FER: variants seen among roughly 807,000 people sequenced by gnomAD.
The protein encoded by FER is FER tyrosine kinase.
FER carries 63 observed loss-of-function variants against 111.0 expected under a neutral mutation model. The observed-to-expected ratio is 0.57, with a 90% CI of 0.46 to 0.70. The LOEUF (loss-of-function observed/expected upper bound fraction) is 0.70, where lower values mean the gene tolerates loss of function less well. FER is among the 30% of genes least tolerant of loss of function. The pLI is 0.00. For missense variants in FER, 914 were observed against 954.0 expected, an observed-to-expected ratio of 0.96 and a Z score of 0.55; for synonymous variants, 327 against 313.9, an observed-to-expected ratio of 1.04 and a Z score of -0.44.
chr5:108,882,977 A>G (rs1683544347), intron 8 of FER, among the ~76,000 whole-genome samples: 1 of 151,964 alleles, frequency 6.6e-6, no homozygotes, highest in African/African-American at 2.4e-5. Context: ...CATTTCTTTA[A>G]AATAATACTA....
chr5:108,957,238 T>C (rs1261253253), intron 12 of FER, among the ~76,000 whole-genome samples: 1 of 151,572 alleles, frequency 6.6e-6, no homozygotes, highest in Non-Finnish European at 1.5e-5. Flanking sequence ...ACTGGAAAGC[T>C]CATGTACTCA....
At chr5:108,925,914 A>G (rs1300767317) in intron 10 of FER, among the ~76,000 whole-genome samples, 2 of 152,032 alleles carry the variant, frequency 1.3e-5, no homozygotes, top group African/African-American at 2.4e-5. Context: ...CATTTTATAT[A>G]TAATAATGTC....
At chr5:108,846,717 G>C (rs769753015) in intron 5 of FER, among the ~76,000 whole-genome samples, 9 of 152,044 alleles carry the variant, frequency 5.9e-5, no homozygotes, top group Admixed American at 1.3e-4. Context: ...CAAGTAGCTG[G>C]GACTGCAGGC....
At chr5:109,177,348 T>C (rs763586031) in intron 17 of FER, among the ~76,000 whole-genome samples, 15 of 152,112 alleles carry the variant, frequency 9.9e-5, no homozygotes, top group Non-Finnish European at 1.9e-4. Context: ...TTAAAGAGGT[T>C]TTCTCCTCAT....
At chr5:108,808,717 C>A (rs535386870) in intron 3 of FER, among the ~76,000 whole-genome samples, 1 of 152,016 alleles carries the variant, frequency 6.6e-6, no homozygotes, top group African/African-American at 2.4e-5. Flanking sequence ...TTTGTGGTAG[C>A]AGGTATTTTC....
At chr5:109,062,935 T>C (rs1407349233) in intron 16 of FER, among the ~76,000 whole-genome samples, 1 of 152,210 alleles carries the variant, frequency 6.6e-6, no homozygotes, top group East Asian at 1.9e-4. Context: ...CTTATGACTT[T>C]GGAACTTTTA....
chr5:108,933,249 C>G (rs1754957118), intron 10 of FER, among the ~76,000 whole-genome samples: 1 of 152,154 alleles, frequency 6.6e-6, no homozygotes, highest in South Asian at 2.1e-4. Context: ...AGTCTTTAAT[C>G]TATCTTGAGT....
chr5:109,119,487 T>C (rs1750689852), intron 17 of FER, among the ~76,000 whole-genome samples: 1 of 152,210 alleles, frequency 6.6e-6, no homozygotes, highest in Non-Finnish European at 1.5e-5. Context: ...TATATTCTGT[T>C]GATTTGGGGT....
intron 10 of FER, among the ~76,000 whole-genome samples, chr5:108,938,522 T>C (rs1755827029): frequency 6.6e-6 from 1 of 152,012 alleles, no homozygotes; most frequent in South Asian, 2.1e-4. Flanking sequence ...AGAGAGCAGA[T>C]AGTTGGATCC....
intron 3 of FER, among the ~76,000 whole-genome samples, chr5:108,818,562 A>C (rs959899377): frequency 2.0e-5 from 3 of 152,224 alleles, no homozygotes; most frequent in African/African-American, 7.2e-5. Flanking sequence ...CTAAAATTTT[A>C]AAATCTCAAA....
At chr5:108,863,671 T>C (rs1425795496) in intron 5 of FER, among the ~76,000 whole-genome samples, 1 of 152,144 alleles carries the variant, frequency 6.6e-6, no homozygotes, top group Non-Finnish European at 1.5e-5. Context: ...TCTCTAGGGA[T>C]TTATTTTAAC....
chr5:108,880,486 A>G (rs1410676738), intron 8 of FER, among the ~76,000 whole-genome samples: 2 of 152,146 alleles, frequency 1.3e-5, no homozygotes, highest in African/African-American at 4.8e-5. Context: ...GGAACAGCAA[A>G]GCATTATGTG....
At chr5:109,009,155 C>G (rs908996445) in intron 13 of FER, among the ~76,000 whole-genome samples, 2 of 141,740 alleles carry the variant, frequency 1.4e-5, no homozygotes, top group African/African-American at 5.2e-5. Context: ...TTAAGCTATT[C>G]TCCTGCCTTA....
intron 10 of FER, among the ~76,000 whole-genome samples, chr5:108,907,545 G>A (rs942567622): frequency 6.6e-6 from 1 of 151,544 alleles, no homozygotes; most frequent in Non-Finnish European, 1.5e-5. Context: ...CACCCGCCTC[G>A]GCCTCCCAAA....
chr5:108,851,938 T>C (rs1762580081), intron 5 of FER, among the ~76,000 whole-genome samples: 1 of 152,208 alleles, frequency 6.6e-6, no homozygotes. Context: ...GGATAGCTAC[T>C]CCACATTACA....
intron 17 of FER, among the ~76,000 whole-genome samples, chr5:109,152,048 A>G (rs1365737080): frequency 6.6e-6 from 1 of 152,208 alleles, no homozygotes; most frequent in East Asian, 1.9e-4. Flanking sequence ...CATGATGTAA[A>G]TAATATCTCC....
At position 108,786,233 on chromosome 5, in the gene FER, A is replaced by G. The variant is rs148804088; in HGVS notation, c.-59-11891A>G. Among the ~76,000 whole-genome samples the G allele has an allele frequency of 3.9e-3, 591 of 152,178 alleles. 4 individuals carry two copies. Among genetic ancestry groups the G allele is most frequent in the African/African-American group, 0.013 (556 of 41,536 alleles). On this transcript the variant is annotated intron_variant, in intron 2 of 19. Coordinates refer to ENST00000281092, the MANE Select transcript of FER (RefSeq NM_005246.4). ...ATTGTAAGCCAGTGCTGTCCTCCCTATGTTTTCTAAAGCCCTATGCTGGTA... is the reference window on the plus strand; with the variant it reads ...ATTGTAAGCCAGTGCTGTCCTCCCTGTGTTTTCTAAAGCCCTATGCTGGTA...
At chr5:109,156,400 A>G (rs1434352869) in intron 17 of FER, among the ~76,000 whole-genome samples, 2 of 152,060 alleles carry the variant, frequency 1.3e-5, no homozygotes, top group South Asian at 4.1e-4. Flanking sequence ...ATTGGCTGAT[A>G]AAGAAAGCAG....
At chr5:108,967,777 A>AAAAAAAAAAAAAAAAAAAAAAAAAAAC in intron 13 of FER, among the ~76,000 whole-genome samples, 1 of 151,560 alleles carries the variant, frequency 6.6e-6, no homozygotes, top group Non-Finnish European at 1.5e-5. Flanking sequence ...AAAAAAAAAA[A>AAAAAAAAAAAAAAAAAAAAAAAAAAAC]AAAAAACAAT....
Sources: allele counts gnomAD v4.1 joint callset (sites outside exome capture counted in the v4.1 genomes callset), GRCh38; gene constraint gnomAD v4.1.1; transcripts MANE v1.5; gene names NCBI Gene and HGNC (gene_info 2026-07-23, HGNC 2026-07-21).